The following TYW1 variants were observed in gnomAD, a reference collection of about 807,000 sequenced individuals.
TYW1 encodes S-adenosyl-L-methionine-dependent tRNA 4-demethylwyosine synthase TYW1.
In TYW1, 46 loss-of-function variants were observed where a neutral mutation model predicts 96.2. The observed-to-expected ratio is 0.48, with a 90% CI of 0.38 to 0.61. TYW1 has a LOEUF of 0.61. TYW1 is among the 20% of genes least tolerant of loss of function. The pLI, the probability that TYW1 is intolerant of heterozygous loss-of-function variation, is 0.00. For synonymous variants in TYW1, 274 were observed against 323.0 expected (o/e 0.85, Z 1.63); for missense variants, 684 against 909.6 (o/e 0.75, Z 3.19).
At chr7:67,199,654 C>G (rs936920041) in intron 15 of TYW1, among the ~76,000 whole-genome samples, 4 of 152,134 alleles carry the variant, frequency 2.6e-5, no homozygotes, top group Non-Finnish European at 4.4e-5. Flanking sequence ...TTTATCAGTA[C>G]GGACTCAGGA....
chr7:67,086,539 T>C (rs759765452), intron 11 of TYW1, among the ~76,000 whole-genome samples: 24 of 152,164 alleles, frequency 1.6e-4, no homozygotes, highest in Non-Finnish European at 3.1e-4. Flanking sequence ...CTCATGTATT[T>C]GTGGAGGCTT....
intron 15 of TYW1, among the ~76,000 whole-genome samples, chr7:67,222,049 T>C (rs1361077748): frequency 2.6e-5 from 4 of 151,828 alleles, no homozygotes; most frequent in African/African-American, 4.8e-5. Context: ...ATACAAAAAT[T>C]GTCCAGGCAT....
chr7:67,236,770 G>A (rs1801902679), intron 15 of TYW1, among the ~76,000 whole-genome samples: 1 of 152,090 alleles, frequency 6.6e-6, no homozygotes, highest in Non-Finnish European at 1.5e-5. Flanking sequence ...AAAATCAGAT[G>A]TCATTTAAAT....
intron 3 of TYW1, among the ~76,000 whole-genome samples, chr7:67,001,614 G>T (rs1212704644): frequency 7.9e-5 from 12 of 151,508 alleles, no homozygotes; most frequent in Admixed American, 7.9e-4. Context: ...TAGAGATGGG[G>T]TTTCACCACG....
In TYW1 at chr7:67,163,716, T is replaced by C. The variant is rs1254581077; in HGVS notation, c.1699-19410T>C. On this transcript the variant is annotated intron_variant, in intron 13 of 15. Transcript: ENST00000359626. ...CAGAGTCTTGCTCTGTCGCTCAGGCTGGAGTGCAGTGGTGTGATCTCAGCT... is the reference window on the plus strand; with the variant it reads ...CAGAGTCTTGCTCTGTCGCTCAGGCCGGAGTGCAGTGGTGTGATCTCAGCT... Among the ~76,000 whole-genome samples the C allele has an allele frequency of 2.6e-5, 4 of 151,302 alleles. No individual in the cohort carries two copies. In the East Asian group the frequency reaches 7.8e-4, roughly 29 times the overall value.
chr7:67,009,778 A>G, intron 4 of TYW1, 94 bp downstream of exon 4: 1 of 1,115,918 alleles, frequency 9.0e-7, no homozygotes, highest in Non-Finnish European at 1.3e-6. Context: ...GAATCTTCAG[A>G]ATAAATTTAA....
At chr7:67,055,241 T>C (rs1029032628) in intron 8 of TYW1, among the ~76,000 whole-genome samples, 3 of 152,204 alleles carry the variant, frequency 2.0e-5, no homozygotes, top group African/African-American at 7.2e-5. Flanking sequence ...ACCGAGTTTT[T>C]ACCTATGAGA....
chr7:67,002,856 C>CT (rs547425705), intron 3 of TYW1, among the ~76,000 whole-genome samples: 15,307 of 110,778 alleles, frequency 0.14, 1,003 homozygotes, highest in East Asian at 0.31. Context: ...TTTCTTTTTT[C>CT]TTTTTTTTTT....
intron 9 of TYW1, among the ~76,000 whole-genome samples, chr7:67,065,771 G>A (rs1380777794): frequency 6.6e-6 from 1 of 152,032 alleles, no homozygotes; most frequent in African/African-American, 2.4e-5. Context: ...AGTACTTTGG[G>A]AGGTCGAGGT....
At chr7:67,186,196 T>C (rs1420332328) in intron 14 of TYW1, among the ~76,000 whole-genome samples, 5 of 145,044 alleles carry the variant, frequency 3.4e-5, no homozygotes. Flanking sequence ...CAAATTATGT[T>C]GTAGTAAAAC....
At chr7:67,129,266 G>GGTTC (rs1797993687) in intron 13 of TYW1, among the ~76,000 whole-genome samples, 1 of 152,184 alleles carries the variant, frequency 6.6e-6, no homozygotes, top group African/African-American at 2.4e-5. Context: ...CATGTCAAAT[G>GGTTC]GTTCCTGTTT....
intron 13 of TYW1, among the ~76,000 whole-genome samples, chr7:67,132,714 C>T (rs1175399382): frequency 6.6e-6 from 1 of 152,038 alleles, no homozygotes; most frequent in East Asian, 1.9e-4. Flanking sequence ...TAAATAGTAG[C>T]CTCCCTCATT....
chr7:67,036,454 T>C (rs964121542), intron 7 of TYW1, among the ~76,000 whole-genome samples: 23 of 152,334 alleles, frequency 1.5e-4, no homozygotes, highest in Admixed American at 3.9e-4. Flanking sequence ...AAACAAAAAT[T>C]ACCTGGGCCA....
rs60527691 is a variant in TYW1, at chr7:67,220,926, G to A, written c.1978-17382G>A. Among the ~76,000 whole-genome samples the A allele has an allele frequency of 5.9e-3, 892 of 151,762 alleles. 7 individuals carry two copies. The highest frequency in any genetic ancestry group is 0.021 in the African/African-American group (859 of 41,382). On this transcript the variant is annotated intron_variant, in intron 15 of 15. Transcript: ENST00000359626. ...CTAATTTTGTATTTTTAGTAGAGAT[G>A]GGGTTGGTCAGGCTGGTCTTGAACT...
intron 10 of TYW1, among the ~76,000 whole-genome samples, chr7:67,069,593 G>A (rs1237505377): frequency 2.6e-5 from 4 of 152,024 alleles, no homozygotes; most frequent in Admixed American, 6.6e-5. Flanking sequence ...GCAAAAATTC[G>A]CCGGGCATGG....
intron 1 of TYW1, 113 bp downstream of exon 1, chr7:66,997,095 C>T (rs563901414): frequency 5.1e-6 from 8 of 1,556,518 alleles, no homozygotes; most frequent in African/African-American, 2.7e-5. Flanking sequence ...GAGACTGTTG[C>T]ACTTGACAGC....
intron 5 of TYW1, among the ~76,000 whole-genome samples, chr7:67,014,973 G>A (rs1022886822): frequency 1.3e-4 from 20 of 149,458 alleles, no homozygotes; most frequent in Non-Finnish European, 1.9e-4. Flanking sequence ...CATGTGATCC[G>A]CCCAAAGTGA....
At chr7:67,079,816 T>C (rs1365119321) in intron 10 of TYW1, among the ~76,000 whole-genome samples, 2 of 152,206 alleles carry the variant, frequency 1.3e-5, no homozygotes, top group Non-Finnish European at 2.9e-5. Context: ...TCAGTACATA[T>C]TTAAATTTTT....
intron 12 of TYW1, among the ~76,000 whole-genome samples, chr7:67,109,458 A>G (rs1797338307): frequency 6.6e-6 from 1 of 152,162 alleles, no homozygotes; most frequent in Admixed American, 6.5e-5. Context: ...TTACCTGTGG[A>G]AATTAACCAA....
Sources: gnomAD v4.1 joint callset for allele counts (sites outside exome capture counted in the v4.1 genomes callset) on GRCh38, gnomAD v4.1.1 for gene constraint, MANE v1.5 for transcripts, NCBI Gene and HGNC (gene_info 2026-07-23, HGNC 2026-07-21) for gene names.